ERAP2: variants seen among roughly 807,000 people sequenced by gnomAD.
ERAP2 encodes the protein endoplasmic reticulum aminopeptidase 2.
A neutral mutation model predicts 111.1 loss-of-function variants in ERAP2; 118 were observed. That is an observed-to-expected ratio of 1.06 (90% confidence interval 0.92 to 1.24). ERAP2 has a LOEUF of 1.24. Ranked by LOEUF, ERAP2 falls within the 50% of genes most tolerant of loss-of-function variation. The pLI, the probability that ERAP2 is intolerant of heterozygous loss-of-function variation, is 0.00. For synonymous variants in ERAP2, 410 were observed against 401.2 expected (o/e 1.02, Z -0.26); for missense variants, 1,131 against 1,125.8 (o/e 1.00, Z -0.07).
chr5:96,876,970 G>T lies in ERAP2; in HGVS notation c.-123+443G>T, dbSNP rs914792715. On this transcript the variant is annotated intron_variant, in intron 1 of 18. Coordinates refer to ENST00000437043, the MANE Select transcript of ERAP2 (RefSeq NM_022350.5). The stretch of plus-strand genomic sequence containing the variant: ...CATCTGTTTATTTAATTTAATTTAT[G>T]TATTTATTTATTTATTTATTTTGAG... Among the ~76,000 whole-genome samples, 5 of 151,960 alleles carry T rather than the reference G, an allele frequency of 3.3e-5. No homozygotes were observed. The South Asian group carries it at 8.3e-4, about 25-fold the overall frequency.
Position 96,918,934 on chromosome 5 carries a change from A to G in ERAP2, c.*1329A>G, listed in dbSNP as rs1393667293. The G allele has an allele frequency of 6.6e-6, 1 of 152,198 alleles. No homozygotes were observed. Among genetic ancestry groups the G allele is most frequent in the Non-Finnish European group, 1.5e-5 (1 of 68,036 alleles). The allele number at this position is 152,198 out of a possible 1,614,324, so 9.4% of individuals were successfully genotyped here. ...TTCTTGCTCTCTGAAATGCCCTGCT[A>G]AATGCTTCTCTTAATTATTTGAATA... On this transcript the variant is annotated 3_prime_UTR_variant, in exon 19 of 19. Coordinates refer to ENST00000437043, the MANE Select transcript of ERAP2 (RefSeq NM_022350.5).
At position 96,879,944 on chromosome 5, in the gene ERAP2, AC is replaced by A; in HGVS notation, c.261del (p.Ser88LeufsTer44). 3 of 1,613,124 alleles carry A rather than the reference AC, an allele frequency of 1.9e-6. No individual in the cohort carries two copies. The highest frequency in any genetic ancestry group is 2.5e-6 in the Non-Finnish European group (3 of 1,179,456). On this transcript the variant is annotated frameshift_variant, in exon 2 of 19. Coordinates refer to ENST00000437043, the MANE Select transcript of ERAP2 (RefSeq NM_022350.5). LOFTEE classifies it high-confidence loss of function. ...HYDLFVHPNL[T>X]SLDFVASEKI... Reference sequence around the variant, plus strand: ...TGACCTCTTTGTCCACCCCAATCTCACCTCTCTGGACTTTGTTGCATCTGAG... The same window carrying A: ...TGACCTCTTTGTCCACCCCAATCTCACTCTCTGGACTTTGTTGCATCTGAG...
chr5:96,913,281 C>T lies in ERAP2; in HGVS notation c.2517-36C>T, dbSNP rs771926631. 2.5e-6 allele frequency: 4 copies of T among 1,571,716 alleles called. No individual in the cohort carries two copies. In the South Asian group the frequency reaches 3.4e-5, roughly 13 times the overall value. ...GAGTTAATGTCCATGTACATAATAC[C>T]TACTATTTAGAAACAAATTATTTTT... On this transcript the variant is annotated intron_variant, in intron 16 of 18. Coordinates refer to ENST00000437043, the MANE Select transcript of ERAP2 (RefSeq NM_022350.5).
In ERAP2 at chr5:96,915,557, T is replaced by C. The variant is rs2548519; in HGVS notation, c.2658-131T>C. On this transcript the variant is annotated intron_variant, in intron 17 of 18. Transcript: ENST00000437043. The stretch of plus-strand genomic sequence containing the variant: ...TACTGGATGAATGTTATTATGGTAA[T>C]TCACCGTATCTATTGTAATACACAA... 7.6e-3 allele frequency: 3,330 copies of C among 437,098 alleles called. 30 individuals carry two copies. The highest frequency in any genetic ancestry group is 0.025 in the South Asian group (305 of 12,074). The allele number at this position is 437,098 out of a possible 1,614,324, so 27.1% of individuals were successfully genotyped here.
rs1561383678 is a variant in ERAP2 at position 96,900,154 on chromosome 5, G to A, written c.1537G>A (p.Val513Ile). ...CLESDFTSGG[V>I]CHSDPKMTSN... is the part of the protein sequence containing the mutation. The stretch of plus-strand genomic sequence containing the variant: ...AGAAAGTGATTTTACATCTGGTGGA[G>A]TTTGTCATTCGGATCCCAAGATGAC... Residue 513 changes from valine (V) to isoleucine (I), a missense_variant, in exon 10 of 19, where the codon GTT (valine) becomes ATT (isoleucine). Around this residue, in one of 3 missense-constraint regions of ERAP2, gnomAD observed 847 missense variants for 856.5 expected, o/e 0.99. Coordinates refer to ENST00000437043, the MANE Select transcript of ERAP2 (RefSeq NM_022350.5). The A allele has an allele frequency of 1.2e-6, 2 of 1,613,898 alleles. No individual in the cohort carries two copies. The highest frequency in any genetic ancestry group is 1.7e-6 in the Non-Finnish European group (2 of 1,179,858).
chr5:96,915,729 G>T lies in ERAP2; in HGVS notation c.2699G>T (p.Gly900Val). The change falls in exon 18 of 19, where the codon GGC (glycine) becomes GTC (valine). Residue 900 changes from glycine to valine, a missense_variant. Gly to Val is a moderately radical substitution (Grantham distance 109, BLOSUM62 -3). Coordinates refer to ENST00000437043, the MANE Select transcript of ERAP2 (RefSeq NM_022350.5). Reference protein sequence around the residue: ...GSYDIRMIISGTTAHFSSKDK... With the variant: ...GSYDIRMIISVTTAHFSSKDK... ...TATGACATAAGGATGATCATCTCTG[G>T]CACAACAGCTCACTTTTCTTCCAAG... 3.8e-6 allele frequency: 6 copies of T among 1,597,450 alleles called. No homozygotes were observed. The highest frequency in any genetic ancestry group is 5.1e-6 in the Non-Finnish European group (6 of 1,172,280).
intron 4 of ERAP2, among the ~76,000 whole-genome samples, chr5:96,887,621 CTT>C (rs1354946329): frequency 6.6e-6 from 1 of 151,886 alleles, no homozygotes; most frequent in African/African-American, 2.4e-5. Context: ...TTTTTTATAA[CTT>C]TTTTCCCTCA....
intron 17 of ERAP2, among the ~76,000 whole-genome samples, 191 bp from the exon 18 acceptor site, chr5:96,915,497 A>G (rs1561403077): frequency 6.6e-6 from 1 of 152,206 alleles, no homozygotes; most frequent in Non-Finnish European, 1.5e-5. Context: ...TTCATTTTAT[A>G]GTAAAATTTG....
rs773661056 is a variant in ERAP2, at chr5:96,909,778, T to TTAATGGAAAATTAAAGTAG, written c.2354+14_2354+15insTAATGGAAAATTAAAGTAG. On this transcript the variant is annotated intron_variant, in intron 15 of 18. Coordinates refer to ENST00000437043, the MANE Select transcript of ERAP2 (RefSeq NM_022350.5). Reference sequence around the variant, plus strand: ...TGGAAAATTAAAGTAGATGTAGACTTCTGTCCTACCCTTTGTTCTTTTCTC... The same window carrying TTAATGGAAAATTAAAGTAG: ...TGGAAAATTAAAGTAGATGTAGACTTTAATGGAAAATTAAAGTAGCTGTCCTACCCTTTGTTCTTTTCTC... 3.1e-6 allele frequency: 5 copies of TTAATGGAAAATTAAAGTAG among 1,612,432 alleles called. No individual in the cohort carries two copies. Among genetic ancestry groups the TTAATGGAAAATTAAAGTAG allele is most frequent in the Non-Finnish European group, 4.2e-6 (5 of 1,178,744 alleles).
chr5:96,907,338 T>C (rs1293126267), intron 13 of ERAP2, among the ~76,000 whole-genome samples: 1 of 152,138 alleles, frequency 6.6e-6, no homozygotes, highest in Non-Finnish European at 1.5e-5. Context: ...TTAAAAGAAA[T>C]AGGCAACTAT....
chr5:96,882,254 C>G (rs759698285), intron 2 of ERAP2, among the ~76,000 whole-genome samples: 1 of 152,094 alleles, frequency 6.6e-6, no homozygotes, highest in South Asian at 2.1e-4. Flanking sequence ...TTTCAAATGC[C>G]GAAGGCCCCA....
At chr5:96,895,803 C>T (rs1164075701) in intron 7 of ERAP2, among the ~76,000 whole-genome samples, 2 of 152,084 alleles carry the variant, frequency 1.3e-5, no homozygotes, top group Non-Finnish European at 2.9e-5. Context: ...TCAGGTACGT[C>T]TTTTTTAAAA....
intron 1 of ERAP2, among the ~76,000 whole-genome samples, chr5:96,877,619 C>T (rs1046993512): frequency 5.3e-5 from 8 of 152,324 alleles, no homozygotes; most frequent in Middle Eastern, 3.4e-3. Context: ...ATAAATGAAG[C>T]TCAAAAAGTA....
At chr5:96,906,774 G>A (rs1786133988) in intron 13 of ERAP2, among the ~76,000 whole-genome samples, 1 of 152,220 alleles carries the variant, frequency 6.6e-6, no homozygotes, top group Non-Finnish European at 1.5e-5. Flanking sequence ...GCTCACGCCT[G>A]TAATCCCAGT....
At chr5:96,913,726 A>G (rs1014209786) in intron 17 of ERAP2, among the ~76,000 whole-genome samples, 3 of 152,220 alleles carry the variant, frequency 2.0e-5, no homozygotes, top group African/African-American at 7.2e-5. Context: ...AATTAAATGC[A>G]GTCATCAGCC....
Position 96,893,355 on chromosome 5 carries a change from C to T in ERAP2, c.1125+902C>T, listed in dbSNP as rs370702158. Among the ~76,000 whole-genome samples, 61 of 152,252 alleles carry T rather than the reference C, an allele frequency of 4.0e-4. 1 individual carries two copies. The South Asian group carries it at 0.01, about 26-fold the overall frequency. On this transcript the variant is annotated intron_variant, in intron 6 of 18. Transcript: ENST00000437043. ...AAAACATTTTAACTTTATCCTTTAT[C>T]GTCACCACAATAATGAGCTGTTGTT...
At chr5:96,891,546 AC>A in intron 5 of ERAP2, among the ~76,000 whole-genome samples, 1 of 147,044 alleles carries the variant, frequency 6.8e-6, no homozygotes, top group African/African-American at 2.5e-5. Context: ...ACACACACAC[AC>A]ACACACACAC....
chr5:96,900,311 C>T (rs562630478), intron 10 of ERAP2, 122 bp downstream of exon 10: 21 of 1,395,776 alleles, frequency 1.5e-5, no homozygotes, highest in South Asian at 5.2e-5. Flanking sequence ...AGAGCCCCCA[C>T]GATTTTCTCT....
intron 6 of ERAP2, 49 bp from the exon 7 acceptor site, chr5:96,895,197 T>C: frequency 1.7e-6 from 2 of 1,157,430 alleles, no homozygotes; most frequent in Non-Finnish European, 1.3e-6. Flanking sequence ...CTAAAGTTAA[T>C]AATTTTTATT....
Sources: allele counts gnomAD v4.1 joint callset (sites outside exome capture counted in the v4.1 genomes callset), GRCh38; gene constraint gnomAD v4.1.1; regional missense constraint gnomAD v4.1.1; transcripts MANE v1.5; gene names NCBI Gene and HGNC (gene_info 2026-07-23, HGNC 2026-07-21).